BCL2L1: variants seen among roughly 807,000 people sequenced by gnomAD.
BCL2L1 encodes BCL2 like 1.
A neutral mutation model predicts 18.7 loss-of-function variants in BCL2L1; 1 was observed. That is an observed-to-expected ratio of 0.05 (90% CI 0.02 to 0.25). The LOEUF (loss-of-function observed/expected upper bound fraction) is 0.25, where lower values mean the gene tolerates loss of function less well. Among genes scored for constraint, BCL2L1 ranks in the 10% least tolerant of loss-of-function variants. BCL2L1 has a pLI of 1.00. For missense variants in BCL2L1, 207 were observed against 304.9 expected (o/e 0.68, Z 2.39); for synonymous variants, 103 against 122.7 (o/e 0.84, Z 1.06).
chr20:31,697,643 T>TTG (rs2061197518), intron 2 of BCL2L1, among the ~76,000 whole-genome samples: 1 of 152,116 alleles, frequency 6.6e-6, no homozygotes, highest in Non-Finnish European at 1.5e-5. Context: ...TTCACCGTGT[T>TTG]AGCCAGGATG....
upstream of BCL2L1, chr20:31,723,848 C>G: frequency 1.0e-6 from 1 of 985,476 alleles, no homozygotes; most frequent in Non-Finnish European, 1.2e-6. Context: ...GCCGGCCTAC[C>G]TGGCTGCCGG....
intron 2 of BCL2L1, among the ~76,000 whole-genome samples, chr20:31,668,635 A>T (rs1420330325): frequency 2.1e-5 from 2 of 94,862 alleles, no homozygotes; most frequent in African/African-American, 4.3e-5. Context: ...ACAGAGTTTT[A>T]CCCTTGTTGC....
chr20:31,697,892 G>GC (rs1555871508), intron 2 of BCL2L1, among the ~76,000 whole-genome samples: 2 of 129,640 alleles, frequency 1.5e-5, no homozygotes, highest in Non-Finnish European at 3.2e-5. Context: ...TGCTGTTGCT[G>GC]TTTTTTTTTT....
intron 2 of BCL2L1, among the ~76,000 whole-genome samples, chr20:31,683,560 G>C (rs2122554351): frequency 6.6e-6 from 1 of 152,192 alleles, no homozygotes; most frequent in East Asian, 1.9e-4. Flanking sequence ...CCTGAGATCA[G>C]GAGTTCAAGA....
In BCL2L1 at chr20:31,686,971, T is replaced by C. The variant is rs529434336; in HGVS notation, c.565-20885A>G. Among the ~76,000 whole-genome samples, 11 of 152,306 alleles carry C rather than the reference T, an allele frequency of 7.2e-5. No individual in the cohort carries two copies. In the East Asian group the frequency reaches 2.1e-3, roughly 29 times the overall value. ...TTACTTTACACTCAGTTTTCTAATC[T>C]GGACAATGAGGACAATAACATGTTT... On this transcript the variant is annotated intron_variant, in intron 2 of 2. Transcript: ENST00000307677.
chr20:31,681,992 C>T (rs1482474446), intron 2 of BCL2L1, among the ~76,000 whole-genome samples: 3 of 152,186 alleles, frequency 2.0e-5, no homozygotes, highest in Non-Finnish European at 2.9e-5. Context: ...CACACATTAC[C>T]GCCAGGCATA....
chr20:31,701,125 C>G (rs1044602322), intron 2 of BCL2L1, among the ~76,000 whole-genome samples: 1 of 152,164 alleles, frequency 6.6e-6, no homozygotes, highest in Admixed American at 6.5e-5. Flanking sequence ...GTGATCTCAG[C>G]TCACTGCAAC....
At chr20:31,671,637 G>A (rs1047294624) in intron 2 of BCL2L1, among the ~76,000 whole-genome samples, 2 of 152,006 alleles carry the variant, frequency 1.3e-5, no homozygotes, top group African/African-American at 2.4e-5. Flanking sequence ...AGACTCAGCC[G>A]TGAGCAAGGC....
upstream of BCL2L1, chr20:31,723,629 C>T (rs1350156418): frequency 6.1e-6 from 6 of 985,380 alleles, no homozygotes; most frequent in South Asian, 4.7e-5. Flanking sequence ...CCCGGCGGTC[C>T]GCCCCAGCGC....
chr20:31,701,315 G>C (rs1374639332), intron 2 of BCL2L1, among the ~76,000 whole-genome samples: 1 of 152,146 alleles, frequency 6.6e-6, no homozygotes, highest in Non-Finnish European at 1.5e-5. Context: ...CCCTCCCAAA[G>C]TGCTGGGATT....
At chr20:31,704,751 A>G (rs1301418558) in intron 2 of BCL2L1, among the ~76,000 whole-genome samples, 2 of 152,102 alleles carry the variant, frequency 1.3e-5, no homozygotes, top group African/African-American at 2.4e-5. Flanking sequence ...GCACCCCCCC[A>G]ACGCACACAC....
chr20:31,723,735 C>G (rs1568910477), upstream of BCL2L1: 2 of 985,482 alleles, frequency 2.0e-6, no homozygotes, highest in Non-Finnish European at 2.4e-6. Context: ...GCGCTCTCAC[C>G]TGCGAGCCCC....
chr20:31,684,406 G>A (rs962850716), intron 2 of BCL2L1, among the ~76,000 whole-genome samples: 1 of 152,184 alleles, frequency 6.6e-6, no homozygotes, highest in Admixed American at 6.5e-5. Context: ...GCTGAGAGCA[G>A]AAATGAAAAC....
chr20:31,696,888 T>C (rs1050433537), intron 2 of BCL2L1, among the ~76,000 whole-genome samples: 1 of 151,998 alleles, frequency 6.6e-6, no homozygotes. Context: ...AAACTCTGTC[T>C]CTACCAAAAA....
intron 2 of BCL2L1, among the ~76,000 whole-genome samples, chr20:31,693,515 C>T (rs1301278433): frequency 6.6e-6 from 1 of 151,754 alleles, no homozygotes; most frequent in Non-Finnish European, 1.5e-5. Flanking sequence ...ACACAGGGGG[C>T]TCTAAGGTAC....
intron 2 of BCL2L1, among the ~76,000 whole-genome samples, chr20:31,672,474 A>G (rs1395237444): frequency 1.3e-5 from 2 of 152,166 alleles, no homozygotes; most frequent in Non-Finnish European, 2.9e-5. Flanking sequence ...CAAAAAAAAA[A>G]AAAAGCCTGT....
chr20:31,718,786 C>T (rs947515687), intron 2 of BCL2L1, among the ~76,000 whole-genome samples: 11 of 152,192 alleles, frequency 7.2e-5, no homozygotes, highest in Non-Finnish European at 1.3e-4. Context: ...CCTCTGGGAA[C>T]CTGCTACTGC....
chr20:31,703,399 G>A (rs1203344477), intron 2 of BCL2L1, among the ~76,000 whole-genome samples: 3 of 151,612 alleles, frequency 2.0e-5, no homozygotes, highest in South Asian at 2.1e-4. Flanking sequence ...GGCTGGTCTC[G>A]AACTCCTGAC....
intron 2 of BCL2L1, among the ~76,000 whole-genome samples, chr20:31,702,766 C>G (rs1054437231): frequency 6.6e-6 from 1 of 151,350 alleles, no homozygotes; most frequent in Non-Finnish European, 1.5e-5. Context: ...CCCGCCTCAG[C>G]CTCCCAAAGT....
Sources: gnomAD v4.1 joint callset for allele counts (sites outside exome capture counted in the v4.1 genomes callset) on GRCh38, gnomAD v4.1.1 for gene constraint, MANE v1.5 for transcripts, NCBI Gene and HGNC (gene_info 2026-07-23, HGNC 2026-07-21) for gene names.